Variants in LINGO2 observed in about 807,000 individuals in gnomAD.
LINGO2 encodes the protein leucine-rich repeat and immunoglobulin-like domain-containing nogo receptor-interacting protein 2.
A neutral mutation model predicts 30.6 loss-of-function variants in LINGO2; 14 were observed. That is an observed-to-expected ratio of 0.46 (90% CI 0.30 to 0.72). The LOEUF (loss-of-function observed/expected upper bound fraction) is 0.72, where lower values mean the gene tolerates loss of function less well. LINGO2 is among the 30% of genes least tolerant of loss of function. LINGO2 has a pLI of 0.07. For missense variants in LINGO2, 729 were observed against 751.7 expected, an observed-to-expected ratio of 0.97 and a Z score of 0.35; for synonymous variants, 317 against 288.5, an observed-to-expected ratio of 1.10 and a Z score of -1.00.
At chr9:29,103,131 A>T in the LINGO2 span, among the ~76,000 whole-genome samples, 35,704 of 151,786 alleles carry the variant, frequency 0.24, 4,306 homozygotes, top group East Asian at 0.4. Context: ...ATATAATTCT[A>T]TTCACAGCAC....
At chr9:29,086,070 C>T in the LINGO2 span, among the ~76,000 whole-genome samples, 1 of 152,058 alleles carries the variant, frequency 6.6e-6, no homozygotes, top group Non-Finnish European at 1.5e-5. Flanking sequence ...TTCATCTCAC[C>T]TCCTCATTTC....
At chr9:28,040,424 GTTTTTTTTTTTT>G (rs762768949) in intron 4 of LINGO2, among the ~76,000 whole-genome samples, 1 of 124,322 alleles carries the variant, frequency 8.0e-6, no homozygotes, top group Non-Finnish European at 1.7e-5. Flanking sequence ...ACAGCTTGAA[GTTTTTTTTTTTT>G]TTTTTTTTGG....
At chr9:29,188,341 T>A in the LINGO2 span, among the ~76,000 whole-genome samples, 3 of 151,894 alleles carry the variant, frequency 2.0e-5, no homozygotes, top group African/African-American at 7.3e-5. Flanking sequence ...GGGGGTAAGG[T>A]CACAGATCAA....
At chr9:28,383,327 T>A (rs1284793873) in intron 2 of LINGO2, among the ~76,000 whole-genome samples, 1 of 151,912 alleles carries the variant, frequency 6.6e-6, no homozygotes, top group African/African-American at 2.4e-5. Flanking sequence ...CTTGTATATC[T>A]GTATATAGTC....
intron 1 of LINGO2, among the ~76,000 whole-genome samples, chr9:28,636,318 T>C (rs1393197415): frequency 6.6e-6 from 1 of 152,192 alleles, no homozygotes; most frequent in East Asian, 1.9e-4. Context: ...GCATGTTTTA[T>C]AATCCTTTGG....
At chr9:28,980,095 G>A in the LINGO2 span, among the ~76,000 whole-genome samples, 33 of 152,130 alleles carry the variant, frequency 2.2e-4, no homozygotes, top group African/African-American at 7.9e-4. Context: ...ACTTAAAAAG[G>A]CAAATCCATT....
the LINGO2 span, among the ~76,000 whole-genome samples, chr9:28,872,299 A>G: frequency 1.3e-5 from 2 of 152,106 alleles, no homozygotes; most frequent in Non-Finnish European, 2.9e-5. Flanking sequence ...GGACATTTAC[A>G]GGAAAAATGA....
At chr9:28,739,026 T>C in the LINGO2 span, among the ~76,000 whole-genome samples, 1 of 152,004 alleles carries the variant, frequency 6.6e-6, no homozygotes, top group African/African-American at 2.4e-5. Context: ...ATTTCTAGGT[T>C]CTAATTGAGT....
chr9:29,030,217 A>G, the LINGO2 span, among the ~76,000 whole-genome samples: 1 of 152,142 alleles, frequency 6.6e-6, no homozygotes, highest in Non-Finnish European at 1.5e-5. Context: ...TTTCCTAAGA[A>G]AAGTATTATT....
At chr9:28,560,873 C>G (rs1011280825) in intron 1 of LINGO2, among the ~76,000 whole-genome samples, 2 of 151,824 alleles carry the variant, frequency 1.3e-5, no homozygotes, top group African/African-American at 4.8e-5. Context: ...TGGGGTTTCT[C>G]CAAGTTGCTC....
the LINGO2 span, among the ~76,000 whole-genome samples, chr9:28,853,659 G>A: frequency 6.6e-6 from 1 of 151,974 alleles, no homozygotes; most frequent in African/African-American, 2.4e-5. Flanking sequence ...CATGGTGAAA[G>A]GGGAAGCAAA....
chr9:28,659,809 T>A (rs73445582), intron 1 of LINGO2, among the ~76,000 whole-genome samples: 2 of 152,054 alleles, frequency 1.3e-5, no homozygotes, highest in Admixed American at 6.6e-5. Flanking sequence ...ATAGGTTGAA[T>A]GTAACAAAAT....
the LINGO2 span, among the ~76,000 whole-genome samples, chr9:28,938,188 G>A: frequency 0.74 from 112,339 of 152,000 alleles, 41,663 homozygotes; most frequent in Non-Finnish European, 0.78. Context: ...CCAGTGGCAG[G>A]ACCTCTGCTG....
the LINGO2 span, among the ~76,000 whole-genome samples, chr9:29,160,191 A>G: frequency 6.6e-6 from 1 of 152,222 alleles, no homozygotes; most frequent in African/African-American, 2.4e-5. Context: ...ACAAGTTTCC[A>G]GATCTTGCAG....
the LINGO2 span, among the ~76,000 whole-genome samples, chr9:28,895,293 G>C: frequency 6.6e-6 from 1 of 152,176 alleles, no homozygotes; most frequent in African/African-American, 2.4e-5. Context: ...AAACAAACAA[G>C]CAAACCTGGC....
At chr9:28,836,124 C>T in the LINGO2 span, among the ~76,000 whole-genome samples, 73 of 152,220 alleles carry the variant, frequency 4.8e-4, no homozygotes, top group East Asian at 9.3e-3. Flanking sequence ...ATGGCAGAAA[C>T]GATCCAAACT....
intron 3 of LINGO2, among the ~76,000 whole-genome samples, chr9:28,369,009 G>C (rs183016679): frequency 6.6e-6 from 1 of 152,222 alleles, no homozygotes; most frequent in East Asian, 1.9e-4. Context: ...AAATGAAGCC[G>C]GGGTAGTTGC....
At chr9:28,785,980 T>A in the LINGO2 span, among the ~76,000 whole-genome samples, 1 of 152,226 alleles carries the variant, frequency 6.6e-6, no homozygotes, top group Admixed American at 6.5e-5. Context: ...AATCCATTTA[T>A]CTGCACTGAA....
chr9:28,993,759 C>A, the LINGO2 span, among the ~76,000 whole-genome samples: 5 of 150,342 alleles, frequency 3.3e-5, no homozygotes, highest in Admixed American at 6.6e-5. Flanking sequence ...GAACCAAAGA[C>A]AAAAACCACA....
Sources: allele counts gnomAD v4.1 joint callset (sites outside exome capture counted in the v4.1 genomes callset), GRCh38; gene constraint gnomAD v4.1.1; transcripts MANE v1.5; gene names NCBI Gene and HGNC (gene_info 2026-07-23, HGNC 2026-07-21).